The following EBF1 variants were observed in gnomAD, a reference collection of about 807,000 sequenced individuals.
The protein encoded by EBF1 is EBF transcription factor 1.
EBF1 carries 10 observed loss-of-function variants against 68.4 expected under a neutral mutation model. The ratio of observed to expected loss-of-function variants is 0.15; its 90% confidence interval spans 0.09 to 0.25. The LOEUF is 0.25. EBF1 is among the 10% of genes least tolerant of loss of function. The pLI, the probability that EBF1 is intolerant of heterozygous loss-of-function variation, is 1.00. For synonymous variants in EBF1, 298 were observed against 299.8 expected (o/e 0.99, Z 0.06); for missense variants, 509 against 794.4 (o/e 0.64, Z 4.32).
rs552709623 is a variant in EBF1, at chr5:158,909,323, T to A, written c.555-69213A>T. 2.0e-5 allele frequency among the ~76,000 whole-genome samples: 3 copies of A among 152,068 alleles called. No homozygotes were observed. In the South Asian group the frequency reaches 6.2e-4, roughly 32 times the overall value. On this transcript the variant is annotated intron_variant, in intron 6 of 15. Coordinates refer to ENST00000313708, the MANE Select transcript of EBF1 (RefSeq NM_024007.5). The stretch of plus-strand genomic sequence containing the variant: ...TTGGTGGGGGTTTTTTGGAGAGGGG[T>A]TCTGTTTGGCTGGTTTGGTTTGGTT...
rs140432876 is a variant in EBF1 at position 158,807,755 on chromosome 5, G to A, written c.779-11280C>T. Reference sequence around the variant, plus strand: ...AAAACACACGGAAGTCCCCCAGTTGGCCTTTCTTTGCTATGCAGAAGATTT... The same window carrying A: ...AAAACACACGGAAGTCCCCCAGTTGACCTTTCTTTGCTATGCAGAAGATTT... On this transcript the variant is annotated intron_variant, in intron 8 of 15. Coordinates refer to ENST00000313708, the MANE Select transcript of EBF1 (RefSeq NM_024007.5). Among the ~76,000 whole-genome samples the A allele has an allele frequency of 1.5e-3, 232 of 152,214 alleles. 1 individual carries two copies. Among genetic ancestry groups the A allele is most frequent in the African/African-American group, 5.5e-3 (230 of 41,576 alleles).
chr5:158,767,642 T>TACAA (rs1773025223), intron 10 of EBF1, among the ~76,000 whole-genome samples: 1 of 151,910 alleles, frequency 6.6e-6, no homozygotes, highest in African/African-American at 2.4e-5. Context: ...TGGGGATTGC[T>TACAA]TTACATTTAG....
chr5:159,072,618 A>C (rs2127941969), intron 6 of EBF1, among the ~76,000 whole-genome samples: 1 of 152,304 alleles, frequency 6.6e-6, no homozygotes, highest in East Asian at 1.9e-4. Flanking sequence ...TTTAACTCTC[A>C]ATGAGTAATG....
chr5:158,971,315 A>G (rs973485555), intron 6 of EBF1, among the ~76,000 whole-genome samples: 2 of 152,228 alleles, frequency 1.3e-5, no homozygotes, highest in Non-Finnish European at 2.9e-5. Context: ...AGGGAGGCCC[A>G]TGAATTCCGG....
intron 6 of EBF1, among the ~76,000 whole-genome samples, chr5:158,890,584 A>T (rs78777785): frequency 0.051 from 7,737 of 152,310 alleles, 267 homozygotes; most frequent in Non-Finnish European, 0.07. Flanking sequence ...AACTGAGAGC[A>T]GCATTAGAGT....
chr5:159,042,061 C>A (rs2127778663), intron 6 of EBF1, among the ~76,000 whole-genome samples: 1 of 152,328 alleles, frequency 6.6e-6, no homozygotes, highest in South Asian at 2.1e-4. Flanking sequence ...CCCTCAGCCA[C>A]CACAAAACTG....
At chr5:158,875,284 A>G (rs1272393906) in intron 6 of EBF1, among the ~76,000 whole-genome samples, 1 of 152,228 alleles carries the variant, frequency 6.6e-6, no homozygotes, top group Non-Finnish European at 1.5e-5. Flanking sequence ...AAGAAGGACA[A>G]ACAATTTTTA....
intron 8 of EBF1, among the ~76,000 whole-genome samples, chr5:158,811,779 T>A (rs1782719406): frequency 6.6e-6 from 1 of 152,150 alleles, no homozygotes; most frequent in African/African-American, 2.4e-5. Flanking sequence ...AAACAACCTA[T>A]GGAAATTTTC....
In EBF1 at chr5:158,700,386, G is replaced by C. The variant is rs60660137; in HGVS notation, c.1745-1244C>G. Among the ~76,000 whole-genome samples, 246 of 152,320 alleles carry C rather than the reference G, an allele frequency of 1.6e-3. 2 individuals are homozygous for C. The highest frequency in any genetic ancestry group is 5.6e-3 in the African/African-American group (234 of 41,564). On this transcript the variant is annotated intron_variant, in intron 15 of 15. Transcript: ENST00000313708. ...CCAATCACGGTTAAGTGTCTTGTCA[G>C]GCAGAGAGAGTCATTGCTTTCTTTT...
chr5:158,841,257 A>G (rs987096072), intron 6 of EBF1, among the ~76,000 whole-genome samples: 2 of 152,152 alleles, frequency 1.3e-5, no homozygotes, highest in African/African-American at 4.8e-5. Flanking sequence ...TTCTTATGTA[A>G]CCATCACAGT....
chr5:159,013,879 C>T (rs1039335456), intron 6 of EBF1, among the ~76,000 whole-genome samples: 1 of 152,214 alleles, frequency 6.6e-6, no homozygotes, highest in African/African-American at 2.4e-5. Flanking sequence ...AGAGTTCCAA[C>T]TTCTGGCTGA....
intron 10 of EBF1, among the ~76,000 whole-genome samples, chr5:158,774,825 C>A (rs1423659748): frequency 6.6e-6 from 1 of 152,084 alleles, no homozygotes; most frequent in Non-Finnish European, 1.5e-5. Context: ...ATGTGTAGGT[C>A]ACCAATGAAC....
chr5:158,788,649 T>C (rs1777939247), intron 9 of EBF1, among the ~76,000 whole-genome samples: 1 of 152,158 alleles, frequency 6.6e-6, no homozygotes, highest in African/African-American at 2.4e-5. Context: ...CAGCACTATC[T>C]AGATATCCAT....
intron 6 of EBF1, among the ~76,000 whole-genome samples, chr5:158,914,940 G>A (rs767356043): frequency 3.9e-5 from 6 of 152,270 alleles, no homozygotes; most frequent in East Asian, 1.9e-4. Context: ...ACTGAATGCC[G>A]TCTGTTCTAA....
intron 7 of EBF1, among the ~76,000 whole-genome samples, chr5:158,835,773 G>A (rs752545190): frequency 2.6e-5 from 4 of 152,104 alleles, no homozygotes; most frequent in Non-Finnish European, 4.4e-5. Context: ...GTGACTTTGG[G>A]TAAATTGCTT....
intron 15 of EBF1, among the ~76,000 whole-genome samples, chr5:158,701,174 T>C (rs536604252): frequency 6.6e-6 from 1 of 152,188 alleles, no homozygotes; most frequent in Non-Finnish European, 1.5e-5. Context: ...GGTGCAAGTC[T>C]ACTTTCGCTT....
At chr5:158,782,257 TAGC>T (rs1334606825) in intron 9 of EBF1, among the ~76,000 whole-genome samples, 1 of 152,210 alleles carries the variant, frequency 6.6e-6, no homozygotes, top group Non-Finnish European at 1.5e-5. Flanking sequence ...CTATAATACT[TAGC>T]AGCCTATTTT....
At chr5:158,959,907 C>A (rs550800659) in intron 6 of EBF1, among the ~76,000 whole-genome samples, 7 of 152,112 alleles carry the variant, frequency 4.6e-5, no homozygotes, top group Non-Finnish European at 8.8e-5. Flanking sequence ...CAAACTAGAT[C>A]GACCAATCAA....
At chr5:158,708,235 C>T in intron 14 of EBF1, 62 bp from the exon 15 acceptor site, 5 of 1,506,794 alleles carry the variant, frequency 3.3e-6, no homozygotes, top group Non-Finnish European at 4.5e-6. Context: ...AGCAAAGAAG[C>T]TCAGATCCAT....
Sources: gnomAD v4.1 joint callset for allele counts (sites outside exome capture counted in the v4.1 genomes callset) on GRCh38, gnomAD v4.1.1 for gene constraint, MANE v1.5 for transcripts, NCBI Gene and HGNC (gene_info 2026-07-23, HGNC 2026-07-21) for gene names.